LMF1: variants seen among roughly 807,000 people sequenced by gnomAD.
The protein encoded by LMF1 is transmembrane protein 112.
LMF1 carries 68 observed loss-of-function variants against 60.6 expected under a neutral mutation model. The observed-to-expected ratio is 1.12, with a 90% CI of 0.92 to 1.37. The LOEUF is 1.37. Ranked by LOEUF, LMF1 falls within the 40% of genes most tolerant of loss-of-function variation. LMF1 has a pLI of 0.00. For missense variants in LMF1, 948 were observed against 767.2 expected (o/e 1.24, Z -2.78); for synonymous variants, 418 against 324.7 (o/e 1.29, Z -3.09).
chr16:973,432 C>A (rs991653448), upstream of LMF1, among the ~76,000 whole-genome samples: 1 of 152,198 alleles, frequency 6.6e-6, no homozygotes, highest in African/African-American at 2.4e-5. Context: ...CTCAGTGGGA[C>A]AGGACAGACG....
rs140596498 is a variant in LMF1 at position 877,354 on chromosome 16, A to G, written c.897+2216T>C. ...AAGGAATGGAAACTCTGCGTGTCCT[A>G]CGGCCCGCAAGGGTGATCAGTCACA... On this transcript the variant is annotated intron_variant, in intron 6 of 10. Coordinates refer to ENST00000262301, the MANE Select transcript of LMF1 (RefSeq NM_022773.4). Among the ~76,000 whole-genome samples, 725 of 152,330 alleles carry G rather than the reference A, an allele frequency of 4.8e-3. 9 individuals are homozygous for G. The highest frequency in any genetic ancestry group is 0.016 in the African/African-American group (684 of 41,560).
chr16:981,522 C>A, upstream of LMF1: 1 of 176,902 alleles, frequency 5.7e-6, no homozygotes, highest in Non-Finnish European at 1.2e-5. Context: ...GCCTCCCTGC[C>A]CCGCTTCCTT....
At position 869,191 on chromosome 16, in the gene LMF1, G is replaced by C. The variant is rs141166479; in HGVS notation, c.1417-135C>G. 1,419 of 708,906 alleles carry C rather than the reference G, an allele frequency of 2.0e-3. 16 individuals carry two copies. In the African/African-American group the frequency reaches 0.022, roughly 11 times the overall value. The allele number at this position is 708,906 out of a possible 1,614,324, so 43.9% of individuals were successfully genotyped here. ...GGGTTCCCTGGGCAGCCGCACTCCA[G>C]CTCTTTGGCTGGGGTCCCCTTAAGG... On this transcript the variant is annotated intron_variant, in intron 9 of 10. Transcript: ENST00000262301.
chr16:970,471 G>A (rs886576650), intron 1 of LMF1, among the ~76,000 whole-genome samples: 1 of 152,192 alleles, frequency 6.6e-6, no homozygotes, highest in Non-Finnish European at 1.5e-5. Flanking sequence ...GCCAGGGCCC[G>A]GGCCGGCCCC....
chr16:974,642 C>T (rs993426324), upstream of LMF1, among the ~76,000 whole-genome samples: 2 of 152,230 alleles, frequency 1.3e-5, no homozygotes, highest in Non-Finnish European at 2.9e-5. Context: ...TCCCGGCCTG[C>T]GCCAGCACAG....
chr16:893,009 C>T lies in LMF1; in HGVS notation c.727G>A (p.Glu243Lys). 6.5e-7 allele frequency: 1 copy of T among 1,549,758 alleles called. No individual in the cohort carries two copies. Among genetic ancestry groups the T allele is most frequent in the Non-Finnish European group, 8.7e-7 (1 of 1,146,324 alleles). ...RDLTCMDFHY[E>K]TQPMPNPVAY... ...CTCACGCTGCACGGCACGCTCACCT[C>T]ATAGTGGAAGTCCATGCAGGTGAGG... is the stretch of plus-strand genomic sequence containing the variant. Residue 243 changes from glutamate to lysine, a missense_variant and splice_region_variant, in exon 5 of 11, where the codon GAG becomes AAG. Physicochemically the swap from Glu to Lys is moderately conservative, Grantham distance 56. Coordinates refer to ENST00000262301, the MANE Select transcript of LMF1 (RefSeq NM_022773.4).
intron 9 of LMF1, chr16:869,564 G>A (rs967088637): frequency 1.2e-5 from 7 of 602,008 alleles, no homozygotes; most frequent in Non-Finnish European, 1.9e-5. Context: ...AACCACAGGC[G>A]CCACCCTCAG....
At position 925,256 on chromosome 16, in the gene LMF1, C is replaced by CA. The variant is rs1359699721; in HGVS notation, c.514+8987dup. Among the ~76,000 whole-genome samples the CA allele has an allele frequency of 5.3e-5, 8 of 152,232 alleles. No homozygotes were observed. The East Asian group carries it at 1.5e-3, about 29-fold the overall frequency. On this transcript the variant is annotated intron_variant, in intron 3 of 10. Transcript: ENST00000262301. ...TTGAAGATTCTAGATTAAAGCCACT[C>CA]AAGTGGATTCAGCACTGGAAGTATG...
Position 970,946 on chromosome 16 carries a change from G to A in LMF1, c.35C>T (p.Ala12Val), listed in dbSNP as rs752712034. The change falls in exon 1 of 11, where the codon GCG (alanine) becomes GTG (valine). Residue 12 changes from alanine to valine, a missense_variant. Ala to Val is a moderately conservative substitution (Grantham distance 64). Coordinates refer to ENST00000262301, the MANE Select transcript of LMF1 (RefSeq NM_022773.4). Reference sequence around the variant, plus strand: ...AGTCTTCCGCCTCCTCAGCGACTCCGCGGGCGCCGCCATTGTTGGGCTGTC... The same window carrying A: ...AGTCTTCCGCCTCCTCAGCGACTCCACGGGCGCCGCCATTGTTGGGCTGTC... ...RPDSPTMAAPAESLRRRKTGY... is the reference protein window; with the variant it reads ...RPDSPTMAAPVESLRRRKTGY... 2 of 1,543,440 alleles carry A rather than the reference G, an allele frequency of 1.3e-6. No individual in the cohort carries two copies.
intron 2 of LMF1, among the ~76,000 whole-genome samples, chr16:943,910 T>C (rs2151453031): frequency 6.6e-6 from 1 of 152,248 alleles, no homozygotes; most frequent in East Asian, 1.9e-4. Flanking sequence ...TGTGTAGTAG[T>C]TTCTGATTCT....
intron 2 of LMF1, among the ~76,000 whole-genome samples, chr16:951,333 G>C (rs1297743897): frequency 6.6e-6 from 1 of 152,192 alleles, no homozygotes; most frequent in Non-Finnish European, 1.5e-5. Context: ...CAACGACAAA[G>C]TCAGAGACAA....
intron 3 of LMF1, among the ~76,000 whole-genome samples, chr16:927,482 C>T (rs1026402350): frequency 6.6e-6 from 1 of 152,258 alleles, no homozygotes; most frequent in Non-Finnish European, 1.5e-5. Flanking sequence ...GCTCGGCCTA[C>T]CGGTTGCAGC....
At chr16:954,330 T>A (rs372851296) in intron 2 of LMF1, 27 bp downstream of exon 2, 93 of 1,603,978 alleles carry the variant, frequency 5.8e-5, no homozygotes, top group Middle Eastern at 3.3e-4. Context: ...AGCCCTAAGC[T>A]CCGACCGCCC....
chr16:914,142 A>G (rs1161102831), intron 3 of LMF1, among the ~76,000 whole-genome samples: 5 of 151,214 alleles, frequency 3.3e-5, no homozygotes, highest in Non-Finnish European at 7.4e-5. Context: ...GGACATCCCC[A>G]CCACTGCAAC....
At chr16:972,395 G>C (rs182463906), upstream of LMF1, among the ~76,000 whole-genome samples, 174 of 152,328 alleles carry the variant, frequency 1.1e-3, no homozygotes, top group African/African-American at 4.0e-3. Context: ...GGAGCCTTGG[G>C]GATCGCAGGA....
rs537685964 is a variant in LMF1, at chr16:897,531, T to G, written c.664-4459A>C. Reference sequence around the variant, plus strand: ...ACAGGGAATTACTCGCGACAGGTCCTGCCTCCGCAGGAGAGACTCAAAGGG... The same window carrying G: ...ACAGGGAATTACTCGCGACAGGTCCGGCCTCCGCAGGAGAGACTCAAAGGG... On this transcript the variant is annotated intron_variant, in intron 4 of 10. Transcript: ENST00000262301. The surrounding 1 kb of genome is among the most constrained non-coding windows in gnomAD (Gnocchi z 4.3). Among the ~76,000 whole-genome samples, 148 of 152,240 alleles carry G rather than the reference T, an allele frequency of 9.7e-4. No homozygotes were observed. The highest frequency in any genetic ancestry group is 3.5e-4 in the Non-Finnish European group (24 of 68,044).
At chr16:879,988 T>C (rs1409896449) in intron 5 of LMF1, among the ~76,000 whole-genome samples, 1 of 152,128 alleles carries the variant, frequency 6.6e-6, no homozygotes, top group African/African-American at 2.4e-5. Flanking sequence ...AAGCAAAGAA[T>C]ACACACCCCA....
chr16:916,105 C>T (rs1051184256), intron 3 of LMF1, among the ~76,000 whole-genome samples: 2 of 152,164 alleles, frequency 1.3e-5, no homozygotes, highest in Non-Finnish European at 1.5e-5. Flanking sequence ...AAGGAAGAAA[C>T]GTGATTTAAC....
Position 874,661 on chromosome 16 carries a change from G to A in LMF1, c.898-3320C>T, listed in dbSNP as rs1281195461. ...CGCAACTCCCCAACGGAAGGATCAC[G>A]GGAACCAGGACAGGCTCCGGGGGAC... On this transcript the variant is annotated intron_variant, in intron 6 of 10. Coordinates refer to ENST00000262301, the MANE Select transcript of LMF1 (RefSeq NM_022773.4). This position sits in a 1 kb window ranked among gnomAD's most constrained non-coding sequence, Gnocchi z 4.1. Among the ~76,000 whole-genome samples the A allele has an allele frequency of 6.6e-6, 1 of 152,164 alleles. No individual in the cohort carries two copies. The highest frequency in any genetic ancestry group is 1.5e-5 in the Non-Finnish European group (1 of 68,022).
Sources: gnomAD v4.1 joint callset for allele counts (sites outside exome capture counted in the v4.1 genomes callset) on GRCh38, gnomAD v4.1.1 for gene constraint, Gnocchi (gnomAD v3.1) non-coding constraint, MANE v1.5 for transcripts, NCBI Gene and HGNC (gene_info 2026-07-23, HGNC 2026-07-21) for gene names.